The following ANLN variants were observed in gnomAD, a reference collection of about 807,000 sequenced individuals.
The protein encoded by ANLN is anillin.
Under a neutral mutation model 135.1 loss-of-function variants are expected in ANLN, and 59 were observed. That is an observed-to-expected ratio of 0.44 (90% CI 0.35 to 0.54). The LOEUF (loss-of-function observed/expected upper bound fraction) is 0.54, where lower values mean the gene tolerates loss of function less well. Among genes scored for constraint, ANLN ranks in the 20% least tolerant of loss-of-function variants. The probability of loss-of-function intolerance (pLI) is 0.00; values close to 1 mark genes in which losing one functional copy is unlikely to be tolerated. For missense variants in ANLN, 1,182 were observed against 1,340.0 expected (o/e 0.88, Z 1.84); for synonymous variants, 406 against 456.4 (o/e 0.89, Z 1.41).
chr7:36,411,787 G>GT (rs1321463992), intron 7 of ANLN, among the ~76,000 whole-genome samples: 3 of 152,288 alleles, frequency 2.0e-5, no homozygotes, highest in African/African-American at 7.2e-5. Context: ...TGATTGATTT[G>GT]TTTTTTATCA....
chr7:36,441,043 T>C (rs1038725896), intron 21 of ANLN, among the ~76,000 whole-genome samples: 1 of 152,182 alleles, frequency 6.6e-6, no homozygotes, highest in Admixed American at 6.5e-5. Flanking sequence ...TTTCCTTCCT[T>C]ATTAGGTTTT....
intron 1 of ANLN, among the ~76,000 whole-genome samples, chr7:36,394,088 C>G (rs1206318774): frequency 6.6e-6 from 1 of 152,156 alleles, no homozygotes; most frequent in African/African-American, 2.4e-5. Flanking sequence ...CCCCACCCCC[C>G]AGGTAGCTGG....
At position 36,389,968 on chromosome 7, in the gene ANLN, TTTCTC is replaced by T. The variant is rs764920769; in HGVS notation, c.-55_-51del. On this transcript the variant is annotated 5_prime_UTR_variant, in exon 1 of 24. Transcript: ENST00000265748. ...GAGACACACTGAGCTGAGACTCACT[TTTCTC>T]TTCCTGAATTTGAACCACCGTTTCC... 4 of 1,613,930 alleles carry T rather than the reference TTTCTC, an allele frequency of 2.5e-6. No individual in the cohort carries two copies. In the African/African-American group the frequency reaches 4.0e-5, roughly 16 times the overall value.
intron 3 of ANLN, among the ~76,000 whole-genome samples, chr7:36,400,735 C>T (rs1583596318): frequency 6.6e-6 from 1 of 152,228 alleles, no homozygotes; most frequent in African/African-American, 2.4e-5. Flanking sequence ...TCAGTGGCTA[C>T]TGGGCCTCAC....
chr7:36,400,866 T>C (rs1786917209), intron 3 of ANLN, among the ~76,000 whole-genome samples: 1 of 152,204 alleles, frequency 6.6e-6, no homozygotes, highest in Non-Finnish European at 1.5e-5. Context: ...TCTTATTTTT[T>C]TTAAAGCTCT....
In ANLN at chr7:36,396,136, C is replaced by G. The variant is rs10215150; in HGVS notation, c.19-130C>G. Reference sequence around the variant, plus strand: ...CATTTAGTGAATCTTGACATAATTGCTTAGGATTTCACTTTTGAAATGTGT... The same window carrying G: ...CATTTAGTGAATCTTGACATAATTGGTTAGGATTTCACTTTTGAAATGTGT... On this transcript the variant is annotated intron_variant, in intron 1 of 23. Coordinates refer to ENST00000265748, the MANE Select transcript of ANLN (RefSeq NM_018685.5). 116,578 of 639,314 alleles carry G rather than the reference C, an allele frequency of 0.18. 11,681 individuals are homozygous for G. Among genetic ancestry groups the G allele is most frequent in the East Asian group, 0.4 (12,239 of 30,954 alleles). 39.6% of individuals were successfully genotyped at this position (639,314 alleles called of 1,614,324 possible).
chr7:36,415,446 A>C (rs988172766), intron 7 of ANLN, among the ~76,000 whole-genome samples: 2 of 151,510 alleles, frequency 1.3e-5, no homozygotes, highest in Non-Finnish European at 2.9e-5. Flanking sequence ...CCAAATACCC[A>C]GACTTCAAGG....
chr7:36,420,033 T>A, intron 10 of ANLN, 136 bp from the exon 11 acceptor site: 1 of 806,476 alleles, frequency 1.2e-6, no homozygotes, highest in East Asian at 2.7e-5. Context: ...GGAACTTAGT[T>A]TGCTTTGTTT....
intron 12 of ANLN, 22 bp from the exon 13 acceptor site, chr7:36,421,835 C>T (rs1305988172): frequency 1.9e-6 from 3 of 1,570,746 alleles, no homozygotes; most frequent in African/African-American, 1.4e-5. Context: ...TATATTTTTT[C>T]TCCTCTCATT....
At chr7:36,448,348 T>C (rs1224315794) in intron 22 of ANLN, among the ~76,000 whole-genome samples, 1 of 152,198 alleles carries the variant, frequency 6.6e-6, no homozygotes, top group Non-Finnish European at 1.5e-5. Flanking sequence ...AATGTTCAAA[T>C]GTACACAAAG....
intron 1 of ANLN, 164 bp downstream of exon 1, chr7:36,390,208 G>A: frequency 3.6e-6 from 4 of 1,120,554 alleles, no homozygotes; most frequent in Non-Finnish European, 5.1e-6. Context: ...GCCTGCTGTG[G>A]TTGGTGGGTT....
At chr7:36,418,966 A>G (rs1787760861) in intron 9 of ANLN, among the ~76,000 whole-genome samples, 1 of 152,086 alleles carries the variant, frequency 6.6e-6, no homozygotes, top group Non-Finnish European at 1.5e-5. Flanking sequence ...CATGTTGGCC[A>G]GACTTGTCTT....
Position 36,429,410 on chromosome 7 carries a change from AG to A in ANLN, c.2883+2385del, listed in dbSNP as rs1221116111. 2.0e-5 allele frequency among the ~76,000 whole-genome samples: 3 copies of A among 152,112 alleles called. No homozygotes were observed. In the East Asian group the frequency reaches 5.8e-4, roughly 29 times the overall value. On this transcript the variant is annotated intron_variant, in intron 20 of 23. Transcript: ENST00000265748. Reference sequence around the variant, plus strand: ...TAATTTTTGTATTTTTAGTAGAGACAGGGTTTCACCATGTTACCCAGGCTAG... The same window carrying A: ...TAATTTTTGTATTTTTAGTAGAGACAGGTTTCACCATGTTACCCAGGCTAG...
At chr7:36,447,417 C>CTT (rs978030270) in intron 22 of ANLN, among the ~76,000 whole-genome samples, 11,326 of 105,660 alleles carry the variant, frequency 0.11, 997 homozygotes, top group Non-Finnish European at 0.14. Context: ...AGCAGTTGAT[C>CTT]TTTTTTTTTT....
intron 3 of ANLN, among the ~76,000 whole-genome samples, chr7:36,401,521 T>A (rs1172731144): frequency 1.3e-5 from 2 of 151,846 alleles, no homozygotes; most frequent in African/African-American, 4.8e-5. Flanking sequence ...GTATTTTTAG[T>A]AGAGATGAGG....
At chr7:36,399,029 A>C in intron 2 of ANLN, 50 bp from the exon 3 acceptor site, 1 of 1,486,100 alleles carries the variant, frequency 6.7e-7, no homozygotes, top group Non-Finnish European at 9.1e-7. Context: ...CAAGTTTTTC[A>C]TGTGAGAAAT....
intron 22 of ANLN, among the ~76,000 whole-genome samples, chr7:36,444,752 G>A (rs1437863135): frequency 1.3e-5 from 2 of 151,870 alleles, no homozygotes; most frequent in Non-Finnish European, 2.9e-5. Context: ...CTTTTAAAAT[G>A]TATAATATAT....
In ANLN at chr7:36,407,814, A is replaced by G. The variant is rs755770123; in HGVS notation, c.954A>G (p.Pro318=). 4.5e-5 allele frequency: 72 copies of G among 1,613,690 alleles called. No homozygotes were observed. In the East Asian group the frequency reaches 1.6e-3, roughly 35 times the overall value. Residue 318 remains proline, a synonymous_variant, in exon 5 of 24, where the codon CCA becomes CCG. Coordinates refer to ENST00000265748, the MANE Select transcript of ANLN (RefSeq NM_018685.5). ...SCEGQNPELL[P]KTPISPLKTG... ...AGGGACAAAATCCTGAGCTACTTCCAAAAACTCCTATTAGTCCTCTGAAAA... is the reference window on the plus strand; with the variant it reads ...AGGGACAAAATCCTGAGCTACTTCCGAAAACTCCTATTAGTCCTCTGAAAA...
intron 4 of ANLN, 39 bp from the exon 5 acceptor site, chr7:36,407,695 T>C: frequency 3.5e-6 from 5 of 1,422,370 alleles, no homozygotes; most frequent in Non-Finnish European, 4.0e-6. Context: ...TTTTTAGATA[T>C]TGTGAATGTT....
Sources: allele counts gnomAD v4.1 joint callset (sites outside exome capture counted in the v4.1 genomes callset), GRCh38; gene constraint gnomAD v4.1.1; transcripts MANE v1.5; gene names NCBI Gene and HGNC (gene_info 2026-07-23, HGNC 2026-07-21).